NUDT16: variants seen among roughly 807,000 people sequenced by gnomAD.
NUDT16 encodes the protein nudix hydrolase 16.
A neutral mutation model predicts 11.7 loss-of-function variants in NUDT16; 12 were observed. The observed-to-expected ratio is 1.03, with a 90% confidence interval of 0.66 to 1.67. The LOEUF is 1.67. Among genes scored for constraint, NUDT16 ranks in the 40% most tolerant of loss-of-function variants. The pLI, the probability that NUDT16 is intolerant of heterozygous loss-of-function variation, is 0.00. For missense variants in NUDT16, 303 were observed against 268.9 expected (o/e 1.13, Z -0.89); for synonymous variants, 129 against 122.6 (o/e 1.05, Z -0.35).
chr3:131,381,862 C>A lies in NUDT16; in HGVS notation c.58C>A (p.Arg20Ser), dbSNP rs768945524. ...GGCCCTGGCGCTGGGGTCGGGCTGGCGTCATGCGTGCCACGCTCTCCTCTA... is the reference window on the plus strand; with the variant it reads ...GGCCCTGGCGCTGGGGTCGGGCTGGAGTCATGCGTGCCACGCTCTCCTCTA... The part of the protein sequence containing the change: ...GEALALGSGW[R>S]HACHALLYAP... The change falls in exon 1 of 3, where the codon CGT (arginine) becomes AGT (serine). Residue 20 changes from arginine (R) to serine (S), a missense_variant. Coordinates refer to ENST00000521288, the MANE Select transcript of NUDT16 (RefSeq NM_152395.3). The A allele has an allele frequency of 7.5e-6, 12 of 1,604,268 alleles. No individual in the cohort carries two copies. The highest frequency in any genetic ancestry group is 1.3e-5 in the African/African-American group (1 of 74,838).
Position 131,381,778 on chromosome 3 carries a change from G to C in NUDT16, c.-27G>C. 6.5e-7 allele frequency: 1 copy of C among 1,536,880 alleles called. No homozygotes were observed. The highest frequency in any genetic ancestry group is 2.0e-5 in the Admixed American group (1 of 50,912). On this transcript the variant is annotated 5_prime_UTR_variant, in exon 1 of 3. Transcript: ENST00000521288. ...CCGCCCCTCTGCCCATTGGGCCTTCGGGACAGCAGAGGAGCAGTGTCCGGC... is the reference window on the plus strand; with the variant it reads ...CCGCCCCTCTGCCCATTGGGCCTTCCGGACAGCAGAGGAGCAGTGTCCGGC...
At chr3:131,382,672 G>A in intron 2 of NUDT16, 1 of 1,441,466 alleles carries the variant, frequency 6.9e-7, no homozygotes. Context: ...ATGTGGCCCT[G>A]ATATTTCAGG....
intron 2 of NUDT16, chr3:131,382,776 T>C (rs1003343387): frequency 1.6e-6 from 2 of 1,230,692 alleles, no homozygotes; most frequent in Non-Finnish European, 2.1e-6. Context: ...GCGATTTCTC[T>C]CAGCATTCCT....
rs1007986734 is a variant in NUDT16 at position 131,381,774 on chromosome 3, C to G, written c.-31C>G. 6.5e-7 allele frequency: 1 copy of G among 1,535,900 alleles called. No individual in the cohort carries two copies. The highest frequency in any genetic ancestry group is 8.7e-7 in the Non-Finnish European group (1 of 1,147,306). ...AGACCCGCCCCTCTGCCCATTGGGC[C>G]TTCGGGACAGCAGAGGAGCAGTGTC... On this transcript the variant is annotated 5_prime_UTR_variant, in exon 1 of 3. Transcript: ENST00000521288.
intron 2 of NUDT16, chr3:131,382,618 C>T: frequency 6.7e-7 from 1 of 1,482,792 alleles, no homozygotes. Context: ...CTAGGTGTGG[C>T]AACCTAGGTT....
chr3:131,383,724 G>A lies in NUDT16; in HGVS notation c.*383G>A. 2 of 447,144 alleles carry A rather than the reference G, an allele frequency of 4.5e-6. No homozygotes were observed. The highest frequency in any genetic ancestry group is 4.4e-5 in the East Asian group (1 of 22,988). The allele number at this position is 447,144 out of a possible 1,614,324, so 27.7% of individuals were successfully genotyped here. A position where few individuals can be genotyped will look rare whatever the true frequency, so the allele number is the denominator to read the frequency against. ...ACACTACCCTGGTCCCTGATTGCAA[G>A]GAGCTTCTGAAGCAAGGGTGAATCC... On this transcript the variant is annotated 3_prime_UTR_variant, in exon 3 of 3. Coordinates refer to ENST00000521288, the MANE Select transcript of NUDT16 (RefSeq NM_152395.3). This position sits in a 1 kb window ranked among gnomAD's most constrained non-coding sequence, Gnocchi z 4.4.
Position 131,381,894 on chromosome 3 carries a change from G to C in NUDT16, c.90G>C (p.Pro30=), listed in dbSNP as rs759547089. Residue 30 remains proline (P), a synonymous_variant, in exon 1 of 3, where the codon CCG becomes CCC. Coordinates refer to ENST00000521288, the MANE Select transcript of NUDT16 (RefSeq NM_152395.3). ...RHACHALLYA[P]DPGMLFGRIP... ...CGTGCCACGCTCTCCTCTACGCGCCGGACCCTGGGATGCTCTTCGGCCGCA... is the reference window on the plus strand; with the variant it reads ...CGTGCCACGCTCTCCTCTACGCGCCCGACCCTGGGATGCTCTTCGGCCGCA... 6.2e-7 allele frequency: 1 copy of C among 1,610,422 alleles called. No homozygotes were observed. Among genetic ancestry groups the C allele is most frequent in the South Asian group, 1.1e-5 (1 of 90,990 alleles).
Position 131,383,373 on chromosome 3 carries a change from G to GA in NUDT16, c.*33dup, listed in dbSNP as rs1559772265. ...CCCTCCATGGACCCATGAAAACTGA[G>GA]ATGAGGACCTTGGTACTAGGGAGGG... On this transcript the variant is annotated 3_prime_UTR_variant, in exon 3 of 3. Transcript: ENST00000521288. This position sits in a 1 kb window ranked among gnomAD's most constrained non-coding sequence, Gnocchi z 4.4. The GA allele has an allele frequency of 1.2e-6, 2 of 1,613,220 alleles. No homozygotes were observed. Among genetic ancestry groups the GA allele is most frequent in the Non-Finnish European group, 1.7e-6 (2 of 1,179,802 alleles).
At position 131,382,479 on chromosome 3, in the gene NUDT16, T is replaced by C. The variant is rs1314186376; in HGVS notation, c.408+164T>C. 4 of 1,536,338 alleles carry C rather than the reference T, an allele frequency of 2.6e-6. No homozygotes were observed. The East Asian group carries it at 9.8e-5, about 38-fold the overall frequency. ...GATCGTGATCATCTATACTCTGAAT[T>C]AGTACTGCCAACCTGGGCTTTCTGT... is the stretch of plus-strand genomic sequence containing the variant. On this transcript the variant is annotated intron_variant, in intron 2 of 2. Coordinates refer to ENST00000521288, the MANE Select transcript of NUDT16 (RefSeq NM_152395.3).
At position 131,381,882 on chromosome 3, in the gene NUDT16, C is replaced by G. The variant is rs760720275; in HGVS notation, c.78C>G (p.Leu26=). The G allele has an allele frequency of 3.1e-6, 5 of 1,609,092 alleles. No individual in the cohort carries two copies. Among genetic ancestry groups the G allele is most frequent in the Non-Finnish European group, 4.2e-6 (5 of 1,179,600 alleles). ...GCTGGCGTCATGCGTGCCACGCTCTCCTCTACGCGCCGGACCCTGGGATGC... is the reference window on the plus strand; with the variant it reads ...GCTGGCGTCATGCGTGCCACGCTCTGCTCTACGCGCCGGACCCTGGGATGC... ...GSGWRHACHA[L]LYAPDPGMLF... Residue 26 remains leucine, a synonymous_variant, in exon 1 of 3, where the codon CTC becomes CTG. Coordinates refer to ENST00000521288, the MANE Select transcript of NUDT16 (RefSeq NM_152395.3).
chr3:131,382,363 C>G (rs1559771016), intron 2 of NUDT16, 48 bp downstream of exon 2: 1 of 1,608,884 alleles, frequency 6.2e-7, no homozygotes, highest in Non-Finnish European at 8.5e-7. Flanking sequence ...CCTCTTCTCC[C>G]AAAGCTTTCT....
At chr3:131,382,374 C>A in intron 2 of NUDT16, 59 bp downstream of exon 2, 1 of 1,604,438 alleles carries the variant, frequency 6.2e-7, no homozygotes, top group East Asian at 2.2e-5. Context: ...AAAGCTTTCT[C>A]TCCCCCAAGA....
chr3:131,383,564 C>G lies in NUDT16; in HGVS notation c.*223C>G. 4 of 915,484 alleles carry G rather than the reference C, an allele frequency of 4.4e-6. No homozygotes were observed. The highest frequency in any genetic ancestry group is 6.5e-6 in the Non-Finnish European group (4 of 619,732). 56.7% of individuals were successfully genotyped at this position (915,484 alleles called of 1,614,324 possible). On this transcript the variant is annotated 3_prime_UTR_variant, in exon 3 of 3. Transcript: ENST00000521288. The surrounding 1 kb of genome is among the most constrained non-coding windows in gnomAD (Gnocchi z 4.4). ...TATCCCAGGCACCCTGGCAGGTTCT[C>G]AGAGCCTGCCTCCTCCCTGTTTATA...
Position 131,384,328 on chromosome 3 carries a change from A to G in NUDT16, c.*987A>G, listed in dbSNP as rs576116600. On this transcript the variant is annotated 3_prime_UTR_variant, in exon 3 of 3. Coordinates refer to ENST00000521288, the MANE Select transcript of NUDT16 (RefSeq NM_152395.3). The stretch of plus-strand genomic sequence containing the variant: ...AAAACTGTCCATTGAATTCAGTAAC[A>G]TGAAGTGTTTGATGACTATGATGGC... The G allele has an allele frequency of 6.6e-6, 1 of 152,466 alleles. No homozygotes were observed. The highest frequency in any genetic ancestry group is 1.5e-5 in the Non-Finnish European group (1 of 68,138). The allele number at this position is 152,466 out of a possible 1,614,324, so 9.4% of individuals were successfully genotyped here.
rs887296518 is a variant in NUDT16 at position 131,387,973 on chromosome 3, T to C, written c.*4632T>C. On this transcript the variant is annotated 3_prime_UTR_variant, in exon 3 of 3. Coordinates refer to ENST00000521288, the MANE Select transcript of NUDT16 (RefSeq NM_152395.3). ...GTGATAAAGACCATGCTCTGGAAGA[T>C]TCATTCCAAGGAGTAGAAGTGGTAT... 1.3e-5 allele frequency: 2 copies of C among 152,152 alleles called. No individual in the cohort carries two copies. Among genetic ancestry groups the C allele is most frequent in the African/African-American group, 2.4e-5 (1 of 41,432 alleles). 9.4% of individuals were successfully genotyped at this position (152,152 alleles called of 1,614,324 possible). A position where few individuals can be genotyped will look rare whatever the true frequency, so the allele number is the denominator to read the frequency against.
chr3:131,382,426 C>G, intron 2 of NUDT16, 111 bp downstream of exon 2: 1 of 1,544,620 alleles, frequency 6.5e-7, no homozygotes, highest in Non-Finnish European at 8.7e-7. Flanking sequence ...TGACCTTGCC[C>G]TCTCCCCAGC....
At chr3:131,382,800 G>A (rs2097456859) in intron 2 of NUDT16, 1 of 1,034,212 alleles carries the variant, frequency 9.7e-7, no homozygotes, top group South Asian at 2.1e-5. Flanking sequence ...TTGGTGGTGG[G>A]GCGGGGGGAG....
rs2097459575 is a variant in NUDT16, at chr3:131,385,774, C to T, written c.*2433C>T. ...CTGCAGGAAATGGACATTCCAGTGG[C>T]CCCTGGGGTTCCAGCCTGTAGCAGC... On this transcript the variant is annotated 3_prime_UTR_variant, in exon 3 of 3. Transcript: ENST00000521288. 6.6e-6 allele frequency: 1 copy of T among 152,232 alleles called. No homozygotes were observed. The allele number at this position is 152,232 out of a possible 1,614,324, so 9.4% of individuals were successfully genotyped here.
Position 131,382,143 on chromosome 3 carries a change from A to T in NUDT16, c.236A>T (p.Glu79Val). The change falls in exon 2 of 3, where the codon GAG becomes GTG. Residue 79 changes from glutamate (E) to valine (V), a missense_variant. Coordinates refer to ENST00000521288, the MANE Select transcript of NUDT16 (RefSeq NM_152395.3). ...GACGGGCTGAACCGCGAGCTGCGCG[A>T]GGAGCTGGGCGAAGCGGCTGCCGCT... The part of the protein sequence containing the change: ...LEDGLNRELR[E>V]ELGEAAAAFR... 3.1e-6 allele frequency: 5 copies of T among 1,611,780 alleles called. No homozygotes were observed. The highest frequency in any genetic ancestry group is 4.2e-6 in the Non-Finnish European group (5 of 1,179,240).
Sources: gnomAD v4.1 joint callset for allele counts on GRCh38, gnomAD v4.1.1 for gene constraint, Gnocchi (gnomAD v3.1) non-coding constraint, MANE v1.5 for transcripts, NCBI Gene and HGNC (gene_info 2026-07-23, HGNC 2026-07-21) for gene names.